NEK11: variants seen among roughly 807,000 people sequenced by gnomAD.
NEK11 encodes the protein serine/threonine-protein kinase Nek11.
NEK11 carries 72 observed loss-of-function variants against 80.7 expected under a neutral mutation model. That is an observed-to-expected ratio of 0.89 (90% CI 0.74 to 1.08). NEK11 has a LOEUF of 1.08. Among genes scored for constraint, NEK11 ranks in the 50% least tolerant of loss-of-function variants. The pLI, the probability that NEK11 is intolerant of heterozygous loss-of-function variation, is 0.00. For synonymous variants in NEK11, 251 were observed against 260.7 expected (o/e 0.96, Z 0.36); for missense variants, 764 against 763.6 (o/e 1.00, Z -0.01).
chr3:131,190,234 C>T (rs2150267267), intron 14 of NEK11, among the ~76,000 whole-genome samples: 1 of 152,296 alleles, frequency 6.6e-6, no homozygotes, highest in Middle Eastern at 3.4e-3. Flanking sequence ...GTGCCCGGCA[C>T]TGTCCTGTGC....
intron 3 of NEK11, among the ~76,000 whole-genome samples, chr3:131,056,448 AG>A (rs1415952704): frequency 2.0e-5 from 3 of 152,182 alleles, no homozygotes; most frequent in Non-Finnish European, 4.4e-5. Context: ...TTAGATATGA[AG>A]GACCTCAGGG....
chr3:131,202,984 G>T (rs980012767), intron 14 of NEK11, among the ~76,000 whole-genome samples: 2 of 130,340 alleles, frequency 1.5e-5, no homozygotes, highest in African/African-American at 4.9e-5. Flanking sequence ...GTTGGTGGGA[G>T]TGTAAACTAG....
chr3:131,306,751 A>G (rs1270072648), intron 17 of NEK11, among the ~76,000 whole-genome samples: 8 of 152,132 alleles, frequency 5.3e-5, no homozygotes, highest in Non-Finnish European at 1.2e-4. Context: ...TTTCTCCCAT[A>G]TTTACTGGGA....
intron 3 of NEK11, among the ~76,000 whole-genome samples, chr3:131,032,795 A>G (rs376226374): frequency 2.0e-5 from 3 of 152,240 alleles, no homozygotes; most frequent in East Asian, 1.9e-4. Context: ...TAGATGTCAC[A>G]TTGCCTTGCT....
At chr3:131,167,914 A>G (rs559258169) in intron 12 of NEK11, among the ~76,000 whole-genome samples, 1 of 152,310 alleles carries the variant, frequency 6.6e-6, no homozygotes, top group Non-Finnish European at 1.5e-5. Flanking sequence ...GATTAGTGCC[A>G]CCACTGTCTT....
chr3:131,324,924 T>C (rs556875124), intron 17 of NEK11, among the ~76,000 whole-genome samples: 3 of 152,310 alleles, frequency 2.0e-5, no homozygotes, highest in Non-Finnish European at 2.9e-5. Flanking sequence ...AATTACTCTG[T>C]CCCTCTCTGG....
chr3:131,107,478 T>C (rs2079387567), intron 4 of NEK11, among the ~76,000 whole-genome samples: 2 of 152,082 alleles, frequency 1.3e-5, no homozygotes, highest in Admixed American at 1.3e-4. Context: ...CTCCTTTCAC[T>C]CCTCTTCTGA....
intron 16 of NEK11, among the ~76,000 whole-genome samples, chr3:131,251,210 A>AG (rs1437647210): frequency 1.3e-5 from 2 of 151,884 alleles, no homozygotes; most frequent in Non-Finnish European, 2.9e-5. Flanking sequence ...CAAAAAAAAA[A>AG]AAAAACAAGT....
At chr3:131,103,186 T>C (rs913707941) in intron 4 of NEK11, among the ~76,000 whole-genome samples, 3 of 152,230 alleles carry the variant, frequency 2.0e-5, no homozygotes, top group African/African-American at 7.2e-5. Context: ...TTTTGATTGG[T>C]TAAAAACCAT....
At chr3:131,064,848 G>A (rs550818984) in intron 3 of NEK11, among the ~76,000 whole-genome samples, 2 of 151,940 alleles carry the variant, frequency 1.3e-5, no homozygotes, top group Middle Eastern at 3.4e-3. Context: ...CCCCTTGCAG[G>A]GCATGCTAGA....
chr3:131,297,351 A>G (rs2096606318), intron 17 of NEK11, among the ~76,000 whole-genome samples: 1 of 152,084 alleles, frequency 6.6e-6, no homozygotes. Flanking sequence ...AATGATTGCC[A>G]TTCTAACTGG....
intron 4 of NEK11, among the ~76,000 whole-genome samples, chr3:131,086,147 G>A (rs2075956055): frequency 1.3e-5 from 2 of 152,148 alleles, no homozygotes; most frequent in Non-Finnish European, 2.9e-5. Context: ...CTTGGTTAAG[G>A]TTCTGTCTTG....
chr3:131,280,056 A>G (rs746935135), intron 17 of NEK11, among the ~76,000 whole-genome samples: 37 of 152,176 alleles, frequency 2.4e-4, no homozygotes, highest in Non-Finnish European at 5.0e-4. Context: ...TGAGATTTCT[A>G]GGGATCAGAT....
At chr3:131,344,203 C>T (rs2097328458) in intron 17 of NEK11, among the ~76,000 whole-genome samples, 1 of 152,176 alleles carries the variant, frequency 6.6e-6, no homozygotes, top group African/African-American at 2.4e-5. Context: ...TTTCTTCCAC[C>T]AGATACCCTC....
At chr3:131,256,875 T>C (rs2095825132) in intron 16 of NEK11, among the ~76,000 whole-genome samples, 1 of 152,178 alleles carries the variant, frequency 6.6e-6, no homozygotes, top group African/African-American at 2.4e-5. Flanking sequence ...TGTTAGATAC[T>C]GGGCACAGTT....
chr3:131,159,591 C>A (rs907781108), intron 10 of NEK11, among the ~76,000 whole-genome samples: 4 of 152,090 alleles, frequency 2.6e-5, no homozygotes, highest in African/African-American at 9.7e-5. Context: ...CATGGGGAAA[C>A]CCCATCTCTA....
intron 3 of NEK11, among the ~76,000 whole-genome samples, chr3:131,031,111 T>C (rs1249360197): frequency 6.6e-6 from 1 of 152,218 alleles, no homozygotes; most frequent in African/African-American, 2.4e-5. Flanking sequence ...TCTTCATAGG[T>C]CATAGGAATT....
At chr3:131,328,314 A>G (rs774314476) in intron 17 of NEK11, 14 of 152,044 alleles carry the variant, frequency 9.2e-5, no homozygotes, top group Non-Finnish European at 1.6e-4. Flanking sequence ...ATAAATAAAT[A>G]AATAATTGCT....
chr3:131,254,412 CA>C (rs1222192008), intron 16 of NEK11, among the ~76,000 whole-genome samples: 1 of 152,130 alleles, frequency 6.6e-6, no homozygotes, highest in Non-Finnish European at 1.5e-5. Flanking sequence ...AGAGCTTAAG[CA>C]AGGGAAGTTT....
Sources: allele counts gnomAD v4.1 joint callset (sites outside exome capture counted in the v4.1 genomes callset), GRCh38; gene constraint gnomAD v4.1.1; transcripts MANE v1.5; gene names NCBI Gene and HGNC (gene_info 2026-07-23, HGNC 2026-07-21).